Variants in RETREG1 observed in about 807,000 individuals in gnomAD.
RETREG1 encodes reticulophagy regulator 1, also known as family with sequence similarity 134 member B.
Under a neutral mutation model 54.8 loss-of-function variants are expected in RETREG1, and 44 were observed. The observed-to-expected ratio is 0.80, with a 90% CI of 0.63 to 1.03. The LOEUF (loss-of-function observed/expected upper bound fraction) is 1.03. RETREG1 is among the 50% of genes least tolerant of loss of function. The probability of loss-of-function intolerance (pLI) is 0.00; values close to 1 mark genes in which losing one functional copy is unlikely to be tolerated. For synonymous variants in RETREG1, 217 were observed against 238.5 expected (o/e 0.91, Z 0.83); for missense variants, 554 against 605.1 (o/e 0.92, Z 0.89).
chr5:16,574,040 C>A (rs966702914), intron 1 of RETREG1, among the ~76,000 whole-genome samples: 2 of 152,178 alleles, frequency 1.3e-5, no homozygotes, highest in Non-Finnish European at 2.9e-5. Context: ...AGCCACAACG[C>A]CCGGCTGGGA....
At chr5:16,596,867 G>T (rs551086782) in intron 1 of RETREG1, among the ~76,000 whole-genome samples, 2 of 152,134 alleles carry the variant, frequency 1.3e-5, no homozygotes, top group African/African-American at 2.4e-5. Flanking sequence ...GCTTCTATAC[G>T]CAAGCAGATG....
At chr5:16,493,960 G>T (rs1441650474) in intron 3 of RETREG1, among the ~76,000 whole-genome samples, 1 of 152,204 alleles carries the variant, frequency 6.6e-6, no homozygotes, top group African/African-American at 2.4e-5. Flanking sequence ...TAACCTGGAA[G>T]ATGGCAAACT....
chr5:16,565,661 A>T lies in RETREG1; in HGVS notation c.458+102T>A, dbSNP rs550356499. 4.2e-5 allele frequency: 52 copies of T among 1,251,942 alleles called. No homozygotes were observed. In the African/African-American group the frequency reaches 7.5e-4, roughly 18 times the overall value. 77.6% of individuals were successfully genotyped at this position (1,251,942 alleles called of 1,614,324 possible). ...TCTGGTAAATTACTCTTGGATTTAG[A>T]TTCCTGTCACTAAAATTCTATTTCA... On this transcript the variant is annotated intron_variant, in intron 3 of 8. Transcript: ENST00000306320.
chr5:16,568,982 G>A (rs991810627), intron 2 of RETREG1, among the ~76,000 whole-genome samples: 2 of 152,154 alleles, frequency 1.3e-5, no homozygotes, highest in African/African-American at 2.4e-5. Flanking sequence ...TGTCATTGTC[G>A]TTGCTATAAG....
intron 3 of RETREG1, among the ~76,000 whole-genome samples, chr5:16,529,560 G>A (rs552349901): frequency 6.6e-6 from 1 of 152,286 alleles, no homozygotes; most frequent in South Asian, 2.1e-4. Context: ...TGCTGTTAAT[G>A]TGGTAATTTA....
chr5:16,534,108 A>C (rs553287070), intron 3 of RETREG1, among the ~76,000 whole-genome samples: 10 of 152,030 alleles, frequency 6.6e-5, no homozygotes, highest in Admixed American at 5.2e-4. Flanking sequence ...AAAAAAAAAA[A>C]CACATTTTCC....
chr5:16,522,579 A>G (rs1740569128), intron 3 of RETREG1, among the ~76,000 whole-genome samples: 1 of 152,248 alleles, frequency 6.6e-6, no homozygotes, highest in South Asian at 2.1e-4. Flanking sequence ...AACTGGATCC[A>G]GTAAGACTTT....
chr5:16,525,297 ATTTG>A (rs1342172837), intron 3 of RETREG1, among the ~76,000 whole-genome samples: 2 of 88,440 alleles, frequency 2.3e-5, no homozygotes, highest in East Asian at 8.8e-4. Context: ...CACTGTGCTG[ATTTG>A]CGTCCTCCAG....
rs781348659 is a variant in RETREG1 at position 16,593,102 on chromosome 5, G to A, written c.321-21000C>T. On this transcript the variant is annotated intron_variant, in intron 1 of 8. Transcript: ENST00000306320. The surrounding 1 kb of genome is among the most constrained non-coding windows in gnomAD (Gnocchi z 4.9). ...AAAAGGCGTTTGCTTCCTAAAGCTC[G>A]GCAAAGGCACAACAGTGAACCCCTG... Among the ~76,000 whole-genome samples, 10 of 152,120 alleles carry A rather than the reference G, an allele frequency of 6.6e-5. No individual in the cohort carries two copies. Among genetic ancestry groups the A allele is most frequent in the East Asian group, 3.9e-4 (2 of 5,192 alleles).
chr5:16,506,483 T>G (rs899764075), intron 3 of RETREG1, among the ~76,000 whole-genome samples: 2 of 151,720 alleles, frequency 1.3e-5, no homozygotes, highest in Non-Finnish European at 2.9e-5. Flanking sequence ...TTTTGTTTTT[T>G]TTTTTTTTGA....
intron 1 of RETREG1, among the ~76,000 whole-genome samples, chr5:16,604,692 T>G (rs1161917960): frequency 6.6e-6 from 1 of 152,172 alleles, no homozygotes; most frequent in Non-Finnish European, 1.5e-5. Context: ...CAGTCTAGGA[T>G]TACCGTCAGG....
At chr5:16,575,332 G>A (rs549119507) in intron 1 of RETREG1, among the ~76,000 whole-genome samples, 8 of 152,136 alleles carry the variant, frequency 5.3e-5, no homozygotes, top group South Asian at 4.1e-4. Flanking sequence ...GCAAATGTTC[G>A]AACAGCATGC....
At chr5:16,501,009 A>G (rs1739689877) in intron 3 of RETREG1, among the ~76,000 whole-genome samples, 1 of 151,960 alleles carries the variant, frequency 6.6e-6, no homozygotes, top group African/African-American at 2.4e-5. Context: ...GGCAATCAGG[A>G]TTTTCTCTAG....
At position 16,478,862 on chromosome 5, in the gene RETREG1, G is replaced by A. The variant is rs368759467; in HGVS notation, c.796C>T (p.Arg266Cys). ...GIGEYINQKK[R>C]ERSEADKEKS... ...AAACTTTACCTACCAGATCTCTCAC[G>A]TTTCTTCTGATTAATATATTCTCCA... The change falls in exon 6 of 9, where the codon CGT becomes TGT. Residue 266 changes from arginine to cysteine, a missense_variant. This residue lies in a region of RETREG1 where 347 missense variants were observed against 412.3 expected (regional missense o/e 0.84). Coordinates refer to ENST00000306320, the MANE Select transcript of RETREG1 (RefSeq NM_001034850.3). 5.0e-5 allele frequency: 81 copies of A among 1,611,530 alleles called. No individual in the cohort carries two copies. Among genetic ancestry groups the A allele is most frequent in the Admixed American group, 6.7e-5 (4 of 59,852 alleles).
chr5:16,558,269 AT>A (rs2126622811), intron 3 of RETREG1, among the ~76,000 whole-genome samples: 1 of 152,190 alleles, frequency 6.6e-6, no homozygotes, highest in African/African-American at 2.4e-5. Context: ...CTTAAAAAAA[AT>A]AAAACAAACA....
chr5:16,616,491 G>T, intron 1 of RETREG1, 161 bp downstream of exon 1: 2 of 1,267,280 alleles, frequency 1.6e-6, no homozygotes, highest in Non-Finnish European at 2.1e-6. Flanking sequence ...GTTGCGGTGA[G>T]TGTCTACCTG....
Position 16,496,870 on chromosome 5 carries a change from AC to A in RETREG1, c.459-13399del, listed in dbSNP as rs574652657. Among the ~76,000 whole-genome samples, 12 of 152,338 alleles carry A rather than the reference AC, an allele frequency of 7.9e-5. No homozygotes were observed. The South Asian group carries it at 2.1e-3, about 26-fold the overall frequency. ...GCTTTGTTGGCTATACAACTCTGCC[AC>A]TGTAGCAAAAAGGCAGCCATAGACA... On this transcript the variant is annotated intron_variant, in intron 3 of 8. Coordinates refer to ENST00000306320, the MANE Select transcript of RETREG1 (RefSeq NM_001034850.3).
chr5:16,581,111 C>A (rs980911157), intron 1 of RETREG1, among the ~76,000 whole-genome samples: 2 of 152,130 alleles, frequency 1.3e-5, no homozygotes, highest in Non-Finnish European at 2.9e-5. Flanking sequence ...ATGCAACTGA[C>A]CACTGCCCTG....
chr5:16,527,800 ATTTTTTTTTTTTTTT>A lies in RETREG1; in HGVS notation c.458+37948_458+37962del, dbSNP rs386403108. The stretch of plus-strand genomic sequence containing the variant: ...CTTAGTACAATTTCGAGGGACTCTA[ATTTTTTTTTTTTTTT>A]TTTTTTTTTTTTGAGATGCAGTCTC... On this transcript the variant is annotated intron_variant, in intron 3 of 8. Transcript: ENST00000306320. Among the ~76,000 whole-genome samples the A allele has an allele frequency of 6.0e-5, 4 of 66,250 alleles. No individual in the cohort carries two copies. In the Admixed American group the frequency reaches 9.4e-4, roughly 16 times the overall value. The allele number at this position is 66,250 out of a possible 152,430, so 43.5% of individuals were successfully genotyped here.
Sources: allele counts gnomAD v4.1 joint callset (sites outside exome capture counted in the v4.1 genomes callset), GRCh38; gene constraint gnomAD v4.1.1; regional missense constraint gnomAD v4.1.1; non-coding constraint Gnocchi (gnomAD v3.1); transcripts MANE v1.5; gene names NCBI Gene and HGNC (gene_info 2026-07-23, HGNC 2026-07-21).